DYTN: variants seen among roughly 807,000 people sequenced by gnomAD.
The protein encoded by DYTN is dystrotelin.
DYTN carries 75 observed loss-of-function variants against 69.6 expected under a neutral mutation model. The observed-to-expected ratio is 1.08, with a 90% CI of 0.89 to 1.31. The LOEUF (loss-of-function observed/expected upper bound fraction) is 1.31, where lower values mean the gene tolerates loss of function less well. Among genes scored for constraint, DYTN ranks in the 50% most tolerant of loss-of-function variants. The pLI is 0.00. For missense variants in DYTN, 726 were observed against 688.4 expected (o/e 1.05, Z -0.61); for synonymous variants, 252 against 249.1 (o/e 1.01, Z -0.11).
At chr2:206,704,703 CAGCAATGGCTATGGAGGAGAG>C in intron 5 of DYTN, 119 bp downstream of exon 5, 1 of 682,376 alleles carries the variant, frequency 1.5e-6, no homozygotes, top group Non-Finnish European at 2.5e-6. Flanking sequence ...ATTCAAGTAA[CAGCAATGGCTATGGAGGAGAG>C]AGCTTGCATG....
rs75900851 is a variant in DYTN at position 206,715,748 on chromosome 2, G to A, written c.19+2513C>T. Among the ~76,000 whole-genome samples, 37 of 152,306 alleles carry A rather than the reference G, an allele frequency of 2.4e-4. No homozygotes were observed. In the East Asian group the frequency reaches 6.9e-3, roughly 29 times the overall value. ...GCAGAGAGGAGGTTAGAGAACCATA[G>A]GAGTTCAAGGGGGCTGTAGGCAAGT... On this transcript the variant is annotated intron_variant, in intron 1 of 11. Coordinates refer to ENST00000452335, the MANE Select transcript of DYTN (RefSeq NM_001093730.1).
chr2:206,659,151 G>T (rs1036827532), intron 11 of DYTN, among the ~76,000 whole-genome samples: 1 of 138,720 alleles, frequency 7.2e-6, no homozygotes, highest in East Asian at 2.2e-4. Flanking sequence ...TTTCCGTTAA[G>T]TTCTCACAGT....
chr2:206,701,699 G>C (rs1467217779), intron 5 of DYTN, among the ~76,000 whole-genome samples: 5 of 152,060 alleles, frequency 3.3e-5, no homozygotes, highest in Non-Finnish European at 5.9e-5. Context: ...ATAAATTCTG[G>C]GAATCTAATT....
At chr2:206,708,194 C>T (rs759296379) in intron 2 of DYTN, among the ~76,000 whole-genome samples, 1 of 152,060 alleles carries the variant, frequency 6.6e-6, no homozygotes, top group African/African-American at 2.4e-5. Context: ...ATTTTTTAAC[C>T]ACCTTCTCCT....
At chr2:206,654,625 C>T (rs889232758) in intron 11 of DYTN, among the ~76,000 whole-genome samples, 1 of 152,104 alleles carries the variant, frequency 6.6e-6, no homozygotes, top group African/African-American at 2.4e-5. Context: ...AGGGTCAGTG[C>T]CCCTAACTTT....
chr2:206,696,829 G>T (rs1351356445), intron 7 of DYTN, among the ~76,000 whole-genome samples: 2 of 152,116 alleles, frequency 1.3e-5, no homozygotes, highest in African/African-American at 2.4e-5. Flanking sequence ...AGTACTAATA[G>T]TTGAATTGAA....
intron 10 of DYTN, among the ~76,000 whole-genome samples, chr2:206,664,865 G>A (rs530225565): frequency 2.0e-5 from 3 of 152,282 alleles, no homozygotes; most frequent in Admixed American, 6.5e-5. Flanking sequence ...GTATAGCTCA[G>A]TGAACCAATA....
At chr2:206,704,469 A>G (rs1283042204) in intron 5 of DYTN, among the ~76,000 whole-genome samples, 2 of 152,194 alleles carry the variant, frequency 1.3e-5, no homozygotes, top group Non-Finnish European at 2.9e-5. Context: ...AGCAAAAGAG[A>G]CTATTGGATA....
Position 206,706,059 on chromosome 2 carries a change from C to A in DYTN, c.297-186G>T, listed in dbSNP as rs533189136. On this transcript the variant is annotated intron_variant, in intron 3 of 11. Coordinates refer to ENST00000452335, the MANE Select transcript of DYTN (RefSeq NM_001093730.1). ...AGAGCATTGAATTAACATATTTCAC[C>A]AGTCATTTATTTGTTCCTGCATTCA... Among the ~76,000 whole-genome samples the A allele has an allele frequency of 3.5e-4, 54 of 152,262 alleles. No homozygotes were observed. The South Asian group carries it at 6.2e-3, about 18-fold the overall frequency.
intron 9 of DYTN, among the ~76,000 whole-genome samples, chr2:206,680,829 T>C (rs995257438): frequency 1.3e-5 from 2 of 152,216 alleles, no homozygotes; most frequent in Non-Finnish European, 2.9e-5. Flanking sequence ...CATCAGTTTT[T>C]CTATGAATTC....
intron 1 of DYTN, among the ~76,000 whole-genome samples, chr2:206,713,956 C>T (rs866889640): frequency 1.9e-4 from 29 of 152,140 alleles, no homozygotes; most frequent in African/African-American, 7.0e-4. Flanking sequence ...GAAACACAGC[C>T]GAGTCTCCAG....
intron 7 of DYTN, among the ~76,000 whole-genome samples, chr2:206,698,388 C>G (rs1699942661): frequency 6.6e-6 from 1 of 152,162 alleles, no homozygotes; most frequent in Admixed American, 6.5e-5. Flanking sequence ...GGAGCAATTT[C>G]AGTTCTGGGT....
intron 9 of DYTN, among the ~76,000 whole-genome samples, chr2:206,692,453 A>T (rs1359503116): frequency 6.6e-6 from 1 of 152,102 alleles, no homozygotes. Context: ...TGGCATTCTG[A>T]ATTTCGAGGA....
At chr2:206,683,713 A>C (rs77112630) in intron 9 of DYTN, among the ~76,000 whole-genome samples, 3 of 152,036 alleles carry the variant, frequency 2.0e-5, no homozygotes, top group Non-Finnish European at 2.9e-5. Flanking sequence ...TGTTCTTTGA[A>C]TCCATTAAAA....
intron 11 of DYTN, 50 bp from the exon 12 acceptor site, chr2:206,651,971 C>A: frequency 6.5e-7 from 1 of 1,527,120 alleles, no homozygotes; most frequent in Non-Finnish European, 9.0e-7. Flanking sequence ...CCGGTAGCTT[C>A]TCATGAAGAT....
rs565682359 is a variant in DYTN, at chr2:206,676,930, A to G, written c.981-10901T>C. On this transcript the variant is annotated intron_variant, in intron 9 of 11. Transcript: ENST00000452335. ...TGTACAGCTTTCTTTTTCTTAAAAA[A>G]AACTGATTAAATGGTATTTATATAT... Among the ~76,000 whole-genome samples, 8 of 152,114 alleles carry G rather than the reference A, an allele frequency of 5.3e-5. No individual in the cohort carries two copies. The East Asian group carries it at 1.5e-3, about 29-fold the overall frequency.
intron 1 of DYTN, among the ~76,000 whole-genome samples, chr2:206,715,200 C>T (rs1374530523): frequency 6.6e-6 from 1 of 152,110 alleles, no homozygotes; most frequent in Non-Finnish European, 1.5e-5. Context: ...TTAGGTCCTT[C>T]TGGGTCCCAA....
intron 9 of DYTN, among the ~76,000 whole-genome samples, chr2:206,679,399 G>A (rs1450932136): frequency 6.6e-6 from 1 of 152,006 alleles, no homozygotes; most frequent in Non-Finnish European, 1.5e-5. Context: ...CCTTCTCCTT[G>A]ACAATCTAGA....
At chr2:206,684,325 G>C (rs1264356593) in intron 9 of DYTN, among the ~76,000 whole-genome samples, 3 of 151,782 alleles carry the variant, frequency 2.0e-5, no homozygotes, top group African/African-American at 7.3e-5. Flanking sequence ...TTCTCTTTGA[G>C]ACAGGGTCTT....
Sources: gnomAD v4.1 joint callset for allele counts (sites outside exome capture counted in the v4.1 genomes callset) on GRCh38, gnomAD v4.1.1 for gene constraint, MANE v1.5 for transcripts, NCBI Gene and HGNC (gene_info 2026-07-23, HGNC 2026-07-21) for gene names.